The following NEMP2 variants were observed in gnomAD, a reference collection of about 807,000 sequenced individuals.
NEMP2 encodes nuclear envelope integral membrane protein 2.
NEMP2 carries 53 observed loss-of-function variants against 54.2 expected under a neutral mutation model. The ratio of observed to expected loss-of-function variants is 0.98; its 90% CI spans 0.78 to 1.23. NEMP2 has a LOEUF of 1.23. Among genes scored for constraint, NEMP2 ranks in the 50% most tolerant of loss-of-function variants. The pLI is 0.00. For synonymous variants in NEMP2, 197 were observed against 190.3 expected, an observed-to-expected ratio of 1.04 and a Z score of -0.29; for missense variants, 455 against 511.3, an observed-to-expected ratio of 0.89 and a Z score of 1.06.
At chr2:190,441,340 A>G in the NEMP2 span, among the ~76,000 whole-genome samples, 1 of 152,026 alleles carries the variant, frequency 6.6e-6, no homozygotes, top group Non-Finnish European at 1.5e-5. Flanking sequence ...CAGACCAATT[A>G]CATCAGTCTT....
chr2:190,545,318 AT>A, the NEMP2 span, among the ~76,000 whole-genome samples: 2 of 152,050 alleles, frequency 1.3e-5, no homozygotes, highest in Admixed American at 1.3e-4. Flanking sequence ...ATTAGGAAAC[AT>A]TTTTTTCAAT....
At chr2:190,443,858 C>T in the NEMP2 span, among the ~76,000 whole-genome samples, 1 of 152,120 alleles carries the variant, frequency 6.6e-6, no homozygotes, top group African/African-American at 2.4e-5. This position sits in a 1 kb window ranked among gnomAD's most constrained non-coding sequence, Gnocchi z 4.2. Context: ...AGTTCGAGAT[C>T]AGCCTGGGCA....
chr2:190,568,089 A>G, the NEMP2 span: 1 of 152,256 alleles, frequency 6.6e-6, no homozygotes, highest in African/African-American at 2.4e-5. The surrounding 1 kb of genome is among the most constrained non-coding windows in gnomAD (Gnocchi z 4.7). Flanking sequence ...ACTGCAGGAT[A>G]TAATCTAAGA....
At chr2:190,496,905 CAG>C in the NEMP2 span, among the ~76,000 whole-genome samples, 4 of 152,070 alleles carry the variant, frequency 2.6e-5, no homozygotes, top group Admixed American at 1.3e-4. This position sits in a 1 kb window ranked among gnomAD's most constrained non-coding sequence, Gnocchi z 4.7. Context: ...TTTGGGGACT[CAG>C]GGGAAAGGGT....
the NEMP2 span, among the ~76,000 whole-genome samples, chr2:190,491,097 T>C: frequency 2.6e-5 from 4 of 152,226 alleles, no homozygotes; most frequent in Non-Finnish European, 4.4e-5. The surrounding 1 kb of genome is among the most constrained non-coding windows in gnomAD (Gnocchi z 4.2). Flanking sequence ...TCTTTGCTAT[T>C]AATCACAAAA....
chr2:190,496,688 A>G, the NEMP2 span, among the ~76,000 whole-genome samples: 6 of 152,118 alleles, frequency 3.9e-5, no homozygotes, highest in Non-Finnish European at 7.4e-5. This position sits in a 1 kb window ranked among gnomAD's most constrained non-coding sequence, Gnocchi z 4.7. Flanking sequence ...GTATATACAC[A>G]CACACACATA....
rs1037304280 is a variant in NEMP2, at chr2:190,527,023, T to C, written c.98-1645A>G. On this transcript the variant is annotated intron_variant, in intron 1 of 8. Transcript: ENST00000409150. This position sits in a 1 kb window ranked among gnomAD's most constrained non-coding sequence, Gnocchi z 4.0. ...GTCGTTGCTGTATTTGGATTTGAAA[T>C]GAAGTGGAATGAAAGTCGTAAGTTC... 1.3e-5 allele frequency among the ~76,000 whole-genome samples: 2 copies of C among 152,144 alleles called. No homozygotes were observed. Among genetic ancestry groups the C allele is most frequent in the Admixed American group, 1.3e-4 (2 of 15,286 alleles).
the NEMP2 span, among the ~76,000 whole-genome samples, chr2:190,465,639 A>G: frequency 6.6e-6 from 1 of 152,200 alleles, no homozygotes; most frequent in Non-Finnish European, 1.5e-5. The surrounding 1 kb of genome is among the most constrained non-coding windows in gnomAD (Gnocchi z 4.6). Context: ...ACTGTATTAG[A>G]GTGAATGTGT....
chr2:190,606,935 C>T, the NEMP2 span, among the ~76,000 whole-genome samples: 2 of 152,112 alleles, frequency 1.3e-5, no homozygotes, highest in Non-Finnish European at 2.9e-5. Context: ...CTGGCAGCTT[C>T]CTTGGTGCCT....
the NEMP2 span, among the ~76,000 whole-genome samples, chr2:190,561,531 G>T: frequency 6.6e-6 from 1 of 152,098 alleles, no homozygotes; most frequent in Non-Finnish European, 1.5e-5. This position sits in a 1 kb window ranked among gnomAD's most constrained non-coding sequence, Gnocchi z 5.4. Flanking sequence ...AAACCAGTCA[G>T]TTTGGACTAG....
At chr2:190,605,873 T>C in the NEMP2 span, among the ~76,000 whole-genome samples, 4 of 152,222 alleles carry the variant, frequency 2.6e-5, no homozygotes, top group East Asian at 1.9e-4. Flanking sequence ...ACACATACCG[T>C]TGTGCTTGGA....
chr2:190,638,425 C>G, the NEMP2 span, among the ~76,000 whole-genome samples: 1 of 152,084 alleles, frequency 6.6e-6, no homozygotes, highest in Non-Finnish European at 1.5e-5. This position sits in a 1 kb window ranked among gnomAD's most constrained non-coding sequence, Gnocchi z 5.7. Context: ...CCTTGTGTAA[C>G]TGCTTGGTGC....
chr2:190,626,244 A>C, the NEMP2 span: 1 of 152,126 alleles, frequency 6.6e-6, no homozygotes, highest in Non-Finnish European at 1.5e-5. This position sits in a 1 kb window ranked among gnomAD's most constrained non-coding sequence, Gnocchi z 4.5. Flanking sequence ...TTAGGATTTC[A>C]ACATATGAAT....
the NEMP2 span, among the ~76,000 whole-genome samples, chr2:190,617,382 C>A: frequency 6.6e-6 from 1 of 152,110 alleles, no homozygotes; most frequent in Non-Finnish European, 1.5e-5. This position sits in a 1 kb window ranked among gnomAD's most constrained non-coding sequence, Gnocchi z 5.0. Flanking sequence ...TGCTTTAGGA[C>A]AATCAAAATG....
At chr2:190,648,270 T>C in the NEMP2 span, 1 of 152,246 alleles carries the variant, frequency 6.6e-6, no homozygotes, top group African/African-American at 2.4e-5. Context: ...CCTGGTTCCA[T>C]TCCTCCCTCC....
chr2:190,546,546 A>G, the NEMP2 span, among the ~76,000 whole-genome samples: 8 of 152,316 alleles, frequency 5.3e-5, no homozygotes, highest in South Asian at 1.7e-3. This position sits in a 1 kb window ranked among gnomAD's most constrained non-coding sequence, Gnocchi z 5.1. Flanking sequence ...TATTTTGCCA[A>G]TAAAGTCCAT....
rs1691160957 is a variant in NEMP2 at position 190,531,988 on chromosome 2, T to A, written c.97+2571A>T. Among the ~76,000 whole-genome samples the A allele has an allele frequency of 6.6e-6, 1 of 150,926 alleles. No individual in the cohort carries two copies. Among genetic ancestry groups the A allele is most frequent in the Non-Finnish European group, 1.5e-5 (1 of 67,698 alleles). ...ATGGCCCTCATATGGGGAAAAAAAA[T>A]ATCTTCAGATGAAACTAGAATGGAA... On this transcript the variant is annotated intron_variant, in intron 1 of 8. Transcript: ENST00000409150. This position sits in a 1 kb window ranked among gnomAD's most constrained non-coding sequence, Gnocchi z 4.7.
the NEMP2 span, among the ~76,000 whole-genome samples, chr2:190,613,442 G>T: frequency 6.6e-6 from 1 of 151,914 alleles, no homozygotes; most frequent in Non-Finnish European, 1.5e-5. Context: ...ATTCTGTTTT[G>T]GGCTGAGTTA....
At chr2:190,462,727 A>G in the NEMP2 span, among the ~76,000 whole-genome samples, 1 of 152,024 alleles carries the variant, frequency 6.6e-6, no homozygotes, top group South Asian at 2.1e-4. The surrounding 1 kb of genome is among the most constrained non-coding windows in gnomAD (Gnocchi z 5.7). Flanking sequence ...CAACAGTGGG[A>G]CTCTCAAAAT....
Sources: allele counts gnomAD v4.1 joint callset (sites outside exome capture counted in the v4.1 genomes callset), GRCh38; gene constraint gnomAD v4.1.1; non-coding constraint Gnocchi (gnomAD v3.1); transcripts MANE v1.5; gene names NCBI Gene and HGNC (gene_info 2026-07-23, HGNC 2026-07-21).